Variants in ZNF618 observed in about 807,000 individuals in gnomAD.
The protein encoded by ZNF618 is zinc finger protein 618, also known as neural precursor cell expressed, developmentally down-regulated 10.
Under a neutral mutation model 103.0 loss-of-function variants are expected in ZNF618, and 34 were observed. The ratio of observed to expected loss-of-function variants is 0.33; its 90% CI spans 0.25 to 0.44. ZNF618 has a LOEUF of 0.44. ZNF618 is among the 20% of genes least tolerant of loss of function. The pLI is 1.00. For missense variants in ZNF618, 1,059 were observed against 1,295.4 expected, an observed-to-expected ratio of 0.82 and a Z score of 2.80; for synonymous variants, 551 against 542.2, an observed-to-expected ratio of 1.02 and a Z score of -0.23.
At chr9:113,936,231 G>C (rs1834022610) in intron 1 of ZNF618, among the ~76,000 whole-genome samples, 1 of 152,184 alleles carries the variant, frequency 6.6e-6, no homozygotes, top group South Asian at 2.1e-4. Context: ...ACCCAGTGCT[G>C]CCTGACCAGT....
intron 1 of ZNF618, among the ~76,000 whole-genome samples, chr9:113,942,456 C>G (rs1381949362): frequency 6.6e-6 from 1 of 152,088 alleles, no homozygotes; most frequent in African/African-American, 2.4e-5. Context: ...CTACCTGAGT[C>G]TGTTTTGATA....
chr9:113,950,362 CT>C (rs1027023010), intron 1 of ZNF618, among the ~76,000 whole-genome samples: 32 of 152,340 alleles, frequency 2.1e-4, no homozygotes, highest in African/African-American at 6.7e-4. Flanking sequence ...GTCTCAACCA[CT>C]TTCACCCTAT....
chr9:113,892,277 T>A (rs946823450), intron 1 of ZNF618, among the ~76,000 whole-genome samples: 10 of 152,276 alleles, frequency 6.6e-5, no homozygotes, highest in Admixed American at 6.5e-4. Flanking sequence ...ACGAACATCC[T>A]CCTCTATATT....
At chr9:113,992,810 G>A (rs1840202065) in intron 3 of ZNF618, among the ~76,000 whole-genome samples, 1 of 152,290 alleles carries the variant, frequency 6.6e-6, no homozygotes, top group African/African-American at 2.4e-5. Context: ...GATGGCATTT[G>A]GCAGCTTCTC....
At chr9:114,009,183 G>A (rs1326614884) in intron 9 of ZNF618, among the ~76,000 whole-genome samples, 1 of 152,198 alleles carries the variant, frequency 6.6e-6, no homozygotes, top group Non-Finnish European at 1.5e-5. Flanking sequence ...GGGGCTTGGG[G>A]GTGGGGACAG....
chr9:113,928,019 G>GT (rs1588067035), intron 1 of ZNF618, among the ~76,000 whole-genome samples: 2 of 152,274 alleles, frequency 1.3e-5, no homozygotes, highest in South Asian at 4.1e-4. Context: ...GTTTGTTAAG[G>GT]TTTTTTTCTT....
At chr9:113,884,783 A>C (rs972581599) in intron 1 of ZNF618, among the ~76,000 whole-genome samples, 1 of 135,700 alleles carries the variant, frequency 7.4e-6, no homozygotes, top group South Asian at 2.2e-4. Context: ...ACAGAGAGAG[A>C]GAGAGAGAGA....
chr9:113,951,421 ATG>A (rs141342636), intron 1 of ZNF618, among the ~76,000 whole-genome samples: 481 of 14,464 alleles, frequency 0.033, 84 homozygotes, highest in Non-Finnish European at 0.048. Context: ...ACACACATAT[ATG>A]TGTGTGTGTA....
At chr9:113,932,543 C>G (rs142014776) in intron 1 of ZNF618, among the ~76,000 whole-genome samples, 12 of 152,192 alleles carry the variant, frequency 7.9e-5, no homozygotes, top group African/African-American at 2.9e-4. Flanking sequence ...AAATGTGATG[C>G]TGGTTTGGAA....
chr9:113,984,096 C>G (rs1046504038), intron 2 of ZNF618, among the ~76,000 whole-genome samples: 4 of 152,156 alleles, frequency 2.6e-5, no homozygotes, highest in African/African-American at 7.2e-5. Context: ...GTTTGGTGAG[C>G]CAGTGTACAA....
At chr9:113,962,106 T>C (rs1002771229) in intron 1 of ZNF618, among the ~76,000 whole-genome samples, 10 of 152,210 alleles carry the variant, frequency 6.6e-5, no homozygotes, top group African/African-American at 2.4e-4. Flanking sequence ...GCAGGGTTAC[T>C]GGGAGGATCT....
In ZNF618 at chr9:114,048,859, C is replaced by T. The variant is rs543672407; in HGVS notation, c.1557C>T (p.Asn519=). 1.6e-5 allele frequency: 26 copies of T among 1,607,742 alleles called. No homozygotes were observed. In the African/African-American group the frequency reaches 2.0e-4, roughly 12 times the overall value. ...FSVTEILGNF[N]TLALKHLPRM... is the part of the protein sequence containing the mutation. ...TCACTGAAATCCTGGGCAACTTCAACACGCTGGCGCTGAAGCACCTGCCAC... is the reference window on the plus strand; with the variant it reads ...TCACTGAAATCCTGGGCAACTTCAATACGCTGGCGCTGAAGCACCTGCCAC... Residue 519 remains asparagine (N), a synonymous_variant, in exon 15 of 15, where the codon AAC becomes AAT. Transcript: ENST00000374126.
At chr9:113,937,712 T>C (rs1834153214) in intron 1 of ZNF618, among the ~76,000 whole-genome samples, 1 of 152,252 alleles carries the variant, frequency 6.6e-6, no homozygotes, top group African/African-American at 2.4e-5. Flanking sequence ...TGTGGCTTTC[T>C]CAGTGCATCA....
chr9:113,963,675 A>G (rs1837078749), intron 1 of ZNF618, among the ~76,000 whole-genome samples: 1 of 152,242 alleles, frequency 6.6e-6, no homozygotes, highest in African/African-American at 2.4e-5. Context: ...GATATATTTC[A>G]TTCAAGCATG....
chr9:113,916,674 G>A (rs1227522385), intron 1 of ZNF618, among the ~76,000 whole-genome samples: 2 of 152,184 alleles, frequency 1.3e-5, no homozygotes, highest in African/African-American at 4.8e-5. Context: ...GAACTGATGA[G>A]CTTTTGGTCC....
chr9:114,022,510 A>G (rs1843157951), intron 10 of ZNF618, among the ~76,000 whole-genome samples: 1 of 144,422 alleles, frequency 6.9e-6, no homozygotes. Flanking sequence ...CAGAGAACAT[A>G]TTCTGTATTT....
chr9:113,915,837 A>C (rs1463235284), intron 1 of ZNF618, among the ~76,000 whole-genome samples: 1 of 152,204 alleles, frequency 6.6e-6, no homozygotes, highest in African/African-American at 2.4e-5. Context: ...TTGCTAACCA[A>C]GGAAATGAAT....
chr9:113,967,453 T>C (rs894547869), intron 1 of ZNF618, among the ~76,000 whole-genome samples: 1 of 152,196 alleles, frequency 6.6e-6, no homozygotes, highest in Non-Finnish European at 1.5e-5. Context: ...CTATTCGTCC[T>C]TAACCTTGCC....
chr9:113,949,057 T>C (rs7869027), intron 1 of ZNF618, among the ~76,000 whole-genome samples: 85,787 of 152,126 alleles, frequency 0.56, 24,675 homozygotes, highest in East Asian at 0.68. Flanking sequence ...TGAATGCATG[T>C]CTTCCCGGTC....
Sources: allele counts gnomAD v4.1 joint callset (sites outside exome capture counted in the v4.1 genomes callset), GRCh38; gene constraint gnomAD v4.1.1; transcripts MANE v1.5; gene names NCBI Gene and HGNC (gene_info 2026-07-23, HGNC 2026-07-21).